The following MND1 variants were observed in gnomAD, a reference collection of about 807,000 sequenced individuals.
The protein encoded by MND1 is meiotic nuclear divisions 1.
MND1 carries 28 observed loss-of-function variants against 35.1 expected under a neutral mutation model. The observed-to-expected ratio is 0.80, with a 90% CI of 0.59 to 1.09. The LOEUF (loss-of-function observed/expected upper bound fraction) is 1.09. MND1 is among the 50% of genes least tolerant of loss of function. MND1 has a pLI of 0.00. For missense variants in MND1, 213 were observed against 239.6 expected, an observed-to-expected ratio of 0.89 and a Z score of 0.73; for synonymous variants, 69 against 70.5, an observed-to-expected ratio of 0.98 and a Z score of 0.11.
chr4:153,366,506 A>G (rs575699142), intron 4 of MND1, among the ~76,000 whole-genome samples: 3 of 152,258 alleles, frequency 2.0e-5, no homozygotes, highest in Non-Finnish European at 4.4e-5. Context: ...TGGAAATATC[A>G]AGTAGACAAT....
At chr4:153,376,039 AT>A (rs145445324) in intron 4 of MND1, among the ~76,000 whole-genome samples, 1 of 152,242 alleles carries the variant, frequency 6.6e-6, no homozygotes, top group South Asian at 2.1e-4. Context: ...ATATATGTAA[AT>A]TTTTTTAGTA....
chr4:153,389,188 A>G (rs1728952645), intron 4 of MND1, among the ~76,000 whole-genome samples: 2 of 152,198 alleles, frequency 1.3e-5, no homozygotes, highest in African/African-American at 2.4e-5. Context: ...TTTAATTTGT[A>G]GCTTGGCTTT....
At chr4:153,372,620 C>G (rs905884639) in intron 4 of MND1, among the ~76,000 whole-genome samples, 4 of 152,156 alleles carry the variant, frequency 2.6e-5, no homozygotes, top group Admixed American at 2.6e-4. Context: ...CCCTACACTG[C>G]TCCCCTCCTC....
At chr4:153,363,609 G>A (rs1773553506) in intron 4 of MND1, among the ~76,000 whole-genome samples, 1 of 152,152 alleles carries the variant, frequency 6.6e-6, no homozygotes, top group South Asian at 2.1e-4. Context: ...CCCTCAGAGA[G>A]CTTTCAGTCA....
At chr4:153,365,391 T>A (rs1207153685) in intron 4 of MND1, among the ~76,000 whole-genome samples, 1 of 152,090 alleles carries the variant, frequency 6.6e-6, no homozygotes, top group Non-Finnish European at 1.5e-5. Flanking sequence ...GGAGTCAAAA[T>A]AACAACAAAT....
chr4:153,372,735 C>G (rs1461179837), intron 4 of MND1, among the ~76,000 whole-genome samples: 1 of 152,162 alleles, frequency 6.6e-6, no homozygotes, highest in Non-Finnish European at 1.5e-5. Context: ...TTTCCCCCAC[C>G]CCCAGCTTCT....
At chr4:153,357,305 A>G (rs1197660451) in intron 3 of MND1, among the ~76,000 whole-genome samples, 1 of 152,172 alleles carries the variant, frequency 6.6e-6, no homozygotes, top group African/African-American at 2.4e-5. Flanking sequence ...TGGTTCTGCT[A>G]CTTCTTAAAG....
At chr4:153,353,618 A>C (rs1377063020) in intron 2 of MND1, among the ~76,000 whole-genome samples, 1 of 151,624 alleles carries the variant, frequency 6.6e-6, no homozygotes, top group Non-Finnish European at 1.5e-5. Flanking sequence ...GGATGAGTAT[A>C]AATTTTTATG....
chr4:153,389,965 C>A (rs113698214), intron 4 of MND1, among the ~76,000 whole-genome samples: 3,176 of 152,078 alleles, frequency 0.021, 49 homozygotes, highest in Middle Eastern at 0.045. Context: ...GGCCCCACCC[C>A]AGATGTGCTA....
At chr4:153,383,436 A>G (rs1728763844) in intron 4 of MND1, among the ~76,000 whole-genome samples, 1 of 152,224 alleles carries the variant, frequency 6.6e-6, no homozygotes, top group African/African-American at 2.4e-5. Context: ...GTGGCCTAAA[A>G]GGATTTAGCT....
intron 1 of MND1, chr4:153,345,485 G>T: frequency 1.0e-6 from 1 of 985,386 alleles, no homozygotes; most frequent in Non-Finnish European, 1.2e-6. Context: ...CTTCCTCGTG[G>T]GTCATGATCA....
At position 153,345,790 on chromosome 4, in the gene MND1, AC is replaced by A. The variant is rs141316468; in HGVS notation, c.3+1053del. 2.0e-3 allele frequency among the ~76,000 whole-genome samples: 303 copies of A among 152,348 alleles called. 1 individual carries two copies. The highest frequency in any genetic ancestry group is 2.9e-3 in the Admixed American group (45 of 15,304). On this transcript the variant is annotated intron_variant, in intron 1 of 7. Coordinates refer to ENST00000240488, the MANE Select transcript of MND1 (RefSeq NM_032117.4). Reference sequence around the variant, plus strand: ...CGGCTTCTTTGTGGTTAAACTAACAACCCAGCCACCTGGGCGTGAAGTGCTC... The same window carrying A: ...CGGCTTCTTTGTGGTTAAACTAACAACCAGCCACCTGGGCGTGAAGTGCTC...
chr4:153,358,597 A>T lies in MND1; in HGVS notation c.251A>T (p.His84Leu), dbSNP rs144429523. 5.0e-6 allele frequency: 8 copies of T among 1,612,916 alleles called. No homozygotes were observed. Among genetic ancestry groups the T allele is most frequent in the Middle Eastern group, 1.7e-4 (1 of 6,010 alleles). Residue 84 changes from histidine to leucine, a missense_variant, in exon 4 of 8, where the codon CAT becomes CTT. Transcript: ENST00000240488. ...FPSKALHARK[H>L]KLEVLESQLS... is the part of the protein sequence containing the mutation. ...AGTAAAGCTCTTCATGCAAGGAAAC[A>T]TAAGTTGGAGGTTCTGGAATCTCAG...
intron 4 of MND1, among the ~76,000 whole-genome samples, chr4:153,367,944 A>C (rs1579913333): frequency 6.6e-6 from 1 of 152,182 alleles, no homozygotes; most frequent in Non-Finnish European, 1.5e-5. Flanking sequence ...GATGTTGAGC[A>C]TCTTTTCATG....
At chr4:153,405,972 T>G (rs778465359) in intron 6 of MND1, among the ~76,000 whole-genome samples, 2 of 151,868 alleles carry the variant, frequency 1.3e-5, no homozygotes, top group Non-Finnish European at 2.9e-5. Flanking sequence ...CCAGGCTAAT[T>G]TTTTACATTT....
chr4:153,344,763 C>A (rs773614210), intron 1 of MND1, 23 bp downstream of exon 1: 14 of 1,600,184 alleles, frequency 8.7e-6, no homozygotes, highest in Non-Finnish European at 1.1e-5. Context: ...GCTACGGTCC[C>A]GCGTCTTCTT....
At chr4:153,408,931 T>TATATAA (rs1355872753) in intron 6 of MND1, 40 bp from the exon 7 acceptor site, 41 of 680,486 alleles carry the variant, frequency 6.0e-5, no homozygotes, top group African/African-American at 3.4e-4. Flanking sequence ...TATATATATA[T>TATATAA]ATAAATACAT....
intron 4 of MND1, among the ~76,000 whole-genome samples, chr4:153,382,922 G>T (rs1728748367): frequency 6.6e-6 from 1 of 152,146 alleles, no homozygotes; most frequent in South Asian, 2.1e-4. Context: ...TAGACAACTT[G>T]AGTGACATGA....
intron 4 of MND1, among the ~76,000 whole-genome samples, chr4:153,360,234 A>G (rs1213089728): frequency 6.6e-6 from 1 of 152,174 alleles, no homozygotes; most frequent in Non-Finnish European, 1.5e-5. Context: ...TTTATCAAAT[A>G]TGTGTTTTTC....
Sources: allele counts gnomAD v4.1 joint callset (sites outside exome capture counted in the v4.1 genomes callset), GRCh38; gene constraint gnomAD v4.1.1; transcripts MANE v1.5; gene names NCBI Gene and HGNC (gene_info 2026-07-23, HGNC 2026-07-21).